Variants in FAT4 observed in about 807,000 individuals in gnomAD.
FAT4 encodes the protein protocadherin Fat 4.
FAT4 carries 84 observed loss-of-function variants against 303.9 expected under a neutral mutation model. The ratio of observed to expected loss-of-function variants is 0.28; its 90% CI spans 0.23 to 0.33. The LOEUF is 0.33. Among genes scored for constraint, FAT4 ranks in the 10% least tolerant of loss-of-function variants. FAT4 has a pLI of 1.00. For synonymous variants in FAT4, 2,307 were observed against 2,298.8 expected, an observed-to-expected ratio of 1.00 and a Z score of -0.10; for missense variants, 6,005 against 6,146.8, an observed-to-expected ratio of 0.98 and a Z score of 0.77.
chr4:125,394,575 A>G (rs1734096190), intron 2 of FAT4, among the ~76,000 whole-genome samples: 1 of 152,208 alleles, frequency 6.6e-6, no homozygotes, highest in Admixed American at 6.6e-5. Context: ...ATTGTATAGA[A>G]ATAAAAGGGT....
At position 125,408,813 on chromosome 4, in the gene FAT4, A is replaced by G. The variant is rs1369747915; in HGVS notation, c.5920+19A>G. ...GATGATGGTATGTATTTTATTTAAT[A>G]TAATTTTTAAAACATCTATAAACTG... On this transcript the variant is annotated intron_variant, in intron 5 of 17. Coordinates refer to ENST00000394329, the MANE Select transcript of FAT4 (RefSeq NM_001291303.3). The G allele has an allele frequency of 8.0e-7, 1 of 1,251,588 alleles. No individual in the cohort carries two copies. Among genetic ancestry groups the G allele is most frequent in the Non-Finnish European group, 1.1e-6 (1 of 923,020 alleles). 77.5% of individuals were successfully genotyped at this position (1,251,588 alleles called of 1,614,324 possible). A position where few individuals can be genotyped will look rare whatever the true frequency, so the allele number is the denominator to read the frequency against.
chr4:125,363,882 T>C (rs12501825), intron 2 of FAT4, among the ~76,000 whole-genome samples: 4,760 of 152,302 alleles, frequency 0.031, 250 homozygotes, highest in Admixed American at 0.13. Flanking sequence ...CATCACTGTT[T>C]AGTTTGCAGA....
Position 125,378,824 on chromosome 4 carries a change from A to T in FAT4, c.5176-19960A>T, listed in dbSNP as rs142705508. 2.8e-3 allele frequency among the ~76,000 whole-genome samples: 433 copies of T among 152,254 alleles called. 3 individuals carry two copies. Among genetic ancestry groups the T allele is most frequent in the Non-Finnish European group, 2.9e-3 (199 of 68,004 alleles). On this transcript the variant is annotated intron_variant, in intron 2 of 17. Coordinates refer to ENST00000394329, the MANE Select transcript of FAT4 (RefSeq NM_001291303.3). ...CTATGAAAATTAAGAATAAAAAGAA[A>T]ATTTTAAATGTAGGAAGTGCACTGA...
Position 125,449,035 on chromosome 4 carries a change from A to G in FAT4, c.8025A>G (p.Pro2675=), listed in dbSNP as rs2126057496. The part of the protein sequence containing the change: ...NDNAPIFKED[P]FISEILENLS... ...ATGCCCCAATTTTTAAGGAAGACCC[A>G]TTTATATCTGAAATATTGGAAAACC... Residue 2675 remains proline, a synonymous_variant, in exon 10 of 18, where the codon CCA becomes CCG. Coordinates refer to ENST00000394329, the MANE Select transcript of FAT4 (RefSeq NM_001291303.3). 3.1e-6 allele frequency: 5 copies of G among 1,613,880 alleles called. No homozygotes were observed. Among genetic ancestry groups the G allele is most frequent in the South Asian group, 1.1e-5 (1 of 91,066 alleles).
At position 125,491,906 on chromosome 4, in the gene FAT4, A is replaced by G. The variant is rs1727664659; in HGVS notation, c.*138A>G. The G allele has an allele frequency of 1.2e-6, 1 of 802,086 alleles. No individual in the cohort carries two copies. Among genetic ancestry groups the G allele is most frequent in the African/African-American group, 1.7e-5 (1 of 57,286 alleles). 49.7% of individuals were successfully genotyped at this position (802,086 alleles called of 1,614,324 possible). Reference sequence around the variant, plus strand: ...GTGGAGGGAAAACTTTAAAAATAATAACCACAATGCTGCTGAAACAGACTC... The same window carrying G: ...GTGGAGGGAAAACTTTAAAAATAATGACCACAATGCTGCTGAAACAGACTC... On this transcript the variant is annotated 3_prime_UTR_variant, in exon 18 of 18. Coordinates refer to ENST00000394329, the MANE Select transcript of FAT4 (RefSeq NM_001291303.3).
chr4:125,431,783 C>T (rs1725291606), intron 7 of FAT4, among the ~76,000 whole-genome samples: 1 of 152,240 alleles, frequency 6.6e-6, no homozygotes, highest in South Asian at 2.1e-4. Flanking sequence ...AATGTATCCC[C>T]TCTTTCAGTT....
intron 2 of FAT4, among the ~76,000 whole-genome samples, chr4:125,388,518 C>T (rs895199477): frequency 5.9e-5 from 9 of 152,044 alleles, no homozygotes; most frequent in African/African-American, 1.2e-4. Context: ...TACTACAGGA[C>T]GCATTTGTAG....
At chr4:125,464,493 T>C (rs1453571318) in intron 11 of FAT4, among the ~76,000 whole-genome samples, 1 of 151,970 alleles carries the variant, frequency 6.6e-6, no homozygotes, top group Non-Finnish European at 1.5e-5. Flanking sequence ...CTTTTCTTTT[T>C]TTTTTTGTCC....
At chr4:125,357,449 G>T (rs1046265017) in intron 2 of FAT4, among the ~76,000 whole-genome samples, 29 of 151,882 alleles carry the variant, frequency 1.9e-4, no homozygotes, top group African/African-American at 7.0e-4. Flanking sequence ...TAGATTATTC[G>T]GGTACTTTAA....
chr4:125,319,829 G>C lies in FAT4; in HGVS notation c.3418G>C (p.Glu1140Gln). 1.2e-6 allele frequency: 2 copies of C among 1,614,172 alleles called. No homozygotes were observed. The highest frequency in any genetic ancestry group is 2.2e-5 in the South Asian group (2 of 91,080). The part of the protein sequence containing the change: ...GPNGEVRYSF[E>Q]MVQPDFELHA... The stretch of plus-strand genomic sequence containing the variant: ...AAATGGAGAAGTAAGGTATTCTTTT[G>C]AAATGGTGCAGCCAGATTTTGAGTT... The change falls in exon 2 of 18, where the codon GAA becomes CAA. Residue 1140 changes from glutamate (E) to glutamine (Q), a missense_variant. Transcript: ENST00000394329.
intron 7 of FAT4, among the ~76,000 whole-genome samples, chr4:125,429,539 G>A (rs1725212003): frequency 1.3e-5 from 2 of 152,014 alleles, no homozygotes; most frequent in Non-Finnish European, 2.9e-5. Context: ...CTGGCTAAAT[G>A]GAAATTGGTT....
Position 125,415,224 on chromosome 4 carries a change from C to T in FAT4, c.6261C>T (p.Tyr2087=), listed in dbSNP as rs766857751. 35 of 1,614,032 alleles carry T rather than the reference C, an allele frequency of 2.2e-5. No homozygotes were observed. In the South Asian group the frequency reaches 3.6e-4, roughly 17 times the overall value. Residue 2087 remains tyrosine (Y), a synonymous_variant, in exon 6 of 18, where the codon TAC becomes TAT. Transcript: ENST00000394329. ...PDSGPNSYIE[Y]TLLNPLGNKF... Reference sequence around the variant, plus strand: ...GTGGCCCAAACAGCTATATTGAGTACACTCTGCTGAACCCTTTGGGAAACA... The same window carrying T: ...GTGGCCCAAACAGCTATATTGAGTATACTCTGCTGAACCCTTTGGGAAACA...
intron 2 of FAT4, among the ~76,000 whole-genome samples, chr4:125,351,139 A>G (rs182356926): frequency 2.0e-5 from 3 of 151,820 alleles, no homozygotes; most frequent in East Asian, 3.9e-4. Flanking sequence ...TTTAAATCCA[A>G]TATTACTTTA....
At chr4:125,339,516 A>C (rs1731698243) in intron 2 of FAT4, among the ~76,000 whole-genome samples, 1 of 152,128 alleles carries the variant, frequency 6.6e-6, no homozygotes, top group African/African-American at 2.4e-5. Flanking sequence ...TTTCTATGGT[A>C]ATAGTTATTA....
chr4:125,491,912 A>G lies in FAT4; in HGVS notation c.*144A>G, dbSNP rs1727665062. 9.3e-6 allele frequency: 7 copies of G among 751,002 alleles called. No homozygotes were observed. The Admixed American group carries it at 9.4e-5, about 10-fold the overall frequency. 46.5% of individuals were successfully genotyped at this position (751,002 alleles called of 1,614,324 possible). On this transcript the variant is annotated 3_prime_UTR_variant, in exon 18 of 18. Transcript: ENST00000394329. ...GGAAAACTTTAAAAATAATAACCAC[A>G]ATGCTGCTGAAACAGACTCACAACA... is the stretch of plus-strand genomic sequence containing the variant.
intron 9 of FAT4, 38 bp downstream of exon 9, chr4:125,446,581 A>G: frequency 2.6e-6 from 4 of 1,517,864 alleles, no homozygotes; most frequent in Middle Eastern, 1.8e-4. Flanking sequence ...GGATATAAAC[A>G]AACTATGTAT....
At chr4:125,416,938 C>A (rs950830389) in intron 7 of FAT4, among the ~76,000 whole-genome samples, 1 of 152,116 alleles carries the variant, frequency 6.6e-6, no homozygotes, top group Non-Finnish European at 1.5e-5. Flanking sequence ...AAGAACGAAA[C>A]TCGTCTCAAA....
At chr4:125,440,757 C>A (rs987654108) in intron 8 of FAT4, among the ~76,000 whole-genome samples, 1 of 152,132 alleles carries the variant, frequency 6.6e-6, no homozygotes, top group Non-Finnish European at 1.5e-5. Context: ...CGCTGATAGA[C>A]ATATTACACT....
intron 2 of FAT4, among the ~76,000 whole-genome samples, chr4:125,376,955 T>C (rs572788908): frequency 1.2e-4 from 19 of 152,206 alleles, no homozygotes; most frequent in South Asian, 1.2e-3. Flanking sequence ...CGATTAAATA[T>C]AGATTTGTTT....
Sources: gnomAD v4.1 joint callset for allele counts (sites outside exome capture counted in the v4.1 genomes callset) on GRCh38, gnomAD v4.1.1 for gene constraint, MANE v1.5 for transcripts, NCBI Gene and HGNC (gene_info 2026-07-23, HGNC 2026-07-21) for gene names.